ZFHX3: variants seen among roughly 807,000 people sequenced by gnomAD.
ZFHX3 encodes zinc finger homeobox protein 3.
In ZFHX3, 42 loss-of-function variants were observed where a neutral mutation model predicts 279.1. The ratio of observed to expected loss-of-function variants is 0.15; its 90% CI spans 0.12 to 0.19. The LOEUF is 0.19. ZFHX3 is among the 10% of genes least tolerant of loss of function. The pLI is 1.00. For synonymous variants in ZFHX3, 2,293 were observed against 1,957.8 expected, an observed-to-expected ratio of 1.17 and a Z score of -4.52; for missense variants, 4,981 against 4,754.0, an observed-to-expected ratio of 1.05 and a Z score of -1.40.
intron 3 of ZFHX3, among the ~76,000 whole-genome samples, chr16:72,914,442 C>T (rs1014337198): frequency 1.3e-5 from 2 of 152,142 alleles, no homozygotes; most frequent in African/African-American, 2.4e-5. Flanking sequence ...TCTCCAAAAA[C>T]ATTTAGAGTT....
intron 3 of ZFHX3, among the ~76,000 whole-genome samples, chr16:72,937,281 G>C (rs944731246): frequency 6.6e-4 from 101 of 152,270 alleles, no homozygotes; most frequent in Non-Finnish European, 1.6e-4. Flanking sequence ...GAGAGTTACA[G>C]ACAGAAAAAA....
chr16:73,846,574 T>A (rs1961453716), intron 1 of ZFHX3, among the ~76,000 whole-genome samples: 1 of 152,168 alleles, frequency 6.6e-6, no homozygotes, highest in African/African-American at 2.4e-5. Flanking sequence ...AATGAATGAA[T>A]GGACAACTAA....
At position 73,449,152 on chromosome 16, in the gene ZFHX3, T is replaced by C. The variant is rs528901280; in HGVS notation, c.-1291+6851A>G. 4.1e-4 allele frequency among the ~76,000 whole-genome samples: 63 copies of C among 152,328 alleles called. No individual in the cohort carries two copies. The South Asian group carries it at 0.012, about 29-fold the overall frequency. Reference sequence around the variant, plus strand: ...GACAGTATCCAGTACTGTGAGACAATGGACAAAGGTCTAACACATTTTGAG... The same window carrying C: ...GACAGTATCCAGTACTGTGAGACAACGGACAAAGGTCTAACACATTTTGAG... On this transcript the variant is annotated intron_variant, in intron 3 of 17. Transcript: ENST00000641206.
intron 1 of ZFHX3, among the ~76,000 whole-genome samples, chr16:73,705,979 C>T (rs11645352): frequency 2.6e-5 from 4 of 151,908 alleles, no homozygotes; most frequent in African/African-American, 9.7e-5. Context: ...CACAGCTTCT[C>T]GTGTCCTCTG....
At chr16:73,628,001 A>C (rs1597035458) in intron 2 of ZFHX3, among the ~76,000 whole-genome samples, 2 of 152,326 alleles carry the variant, frequency 1.3e-5, no homozygotes, top group Admixed American at 1.3e-4. Context: ...AGTGGGGTAG[A>C]GTGCAAAGTA....
intron 1 of ZFHX3, among the ~76,000 whole-genome samples, chr16:73,012,520 G>A (rs1597089997): frequency 6.6e-6 from 1 of 151,986 alleles, no homozygotes; most frequent in Non-Finnish European, 1.5e-5. Flanking sequence ...GTAGGGAGGG[G>A]CCCAAGCCCA....
At chr16:73,260,222 A>G (rs778902200) in intron 4 of ZFHX3, among the ~76,000 whole-genome samples, 3 of 152,152 alleles carry the variant, frequency 2.0e-5, no homozygotes, top group Non-Finnish European at 4.4e-5. Flanking sequence ...ATAACATGGA[A>G]TTGACGTTAT....
At chr16:73,785,247 G>T (rs1033212293) in intron 1 of ZFHX3, among the ~76,000 whole-genome samples, 18 of 151,952 alleles carry the variant, frequency 1.2e-4, no homozygotes, top group African/African-American at 4.1e-4. Context: ...CAGTTCTTTT[G>T]TACCAACTTT....
Position 73,667,189 on chromosome 16 carries a change from G to A in ZFHX3, c.-1547+12991C>T, listed in dbSNP as rs905153056. Among the ~76,000 whole-genome samples, 8 of 151,830 alleles carry A rather than the reference G, an allele frequency of 5.3e-5. No individual in the cohort carries two copies. The East Asian group carries it at 1.6e-3, about 30-fold the overall frequency. On this transcript the variant is annotated intron_variant, in intron 2 of 17. Coordinates refer to the ZFHX3 transcript ENST00000641206. Reference sequence around the variant, plus strand: ...GTATTTTTAGTAGAGATGGGATTTTGCCATGTTGCCCAGACTGGTCTCGAA... The same window carrying A: ...GTATTTTTAGTAGAGATGGGATTTTACCATGTTGCCCAGACTGGTCTCGAA...
At chr16:72,880,653 TG>T (rs1218987599) in intron 4 of ZFHX3, among the ~76,000 whole-genome samples, 1 of 152,228 alleles carries the variant, frequency 6.6e-6, no homozygotes, top group Admixed American at 6.5e-5. Context: ...GATAAAATTT[TG>T]GGTTGAAACA....
At chr16:73,315,371 A>G (rs1708935212) in intron 4 of ZFHX3, among the ~76,000 whole-genome samples, 1 of 152,152 alleles carries the variant, frequency 6.6e-6, no homozygotes, top group Non-Finnish European at 1.5e-5. Context: ...GATATCAGCA[A>G]TTTCTATAGT....
chr16:73,597,326 C>CTCA (rs2052061407), intron 2 of ZFHX3, among the ~76,000 whole-genome samples: 1 of 152,172 alleles, frequency 6.6e-6, no homozygotes, highest in Admixed American at 6.5e-5. Flanking sequence ...GGCCTCATCA[C>CTCA]TCTGTAGACT....
intron 1 of ZFHX3, among the ~76,000 whole-genome samples, chr16:73,039,895 T>C (rs1965048244): frequency 6.6e-6 from 1 of 151,714 alleles, no homozygotes; most frequent in African/African-American, 2.4e-5. Context: ...CAAAATGGCT[T>C]CTCTCCAGAG....
chr16:73,164,351 T>C (rs1454487409), intron 5 of ZFHX3, among the ~76,000 whole-genome samples: 1 of 152,090 alleles, frequency 6.6e-6, no homozygotes, highest in Non-Finnish European at 1.5e-5. Context: ...AGCCTGAGCA[T>C]CTCAGATCTT....
chr16:73,847,551 C>G (rs2142376017), intron 1 of ZFHX3, among the ~76,000 whole-genome samples: 1 of 152,224 alleles, frequency 6.6e-6, no homozygotes, highest in African/African-American at 2.4e-5. Context: ...AGAGTGACAT[C>G]CCACATCCAT....
intron 5 of ZFHX3, among the ~76,000 whole-genome samples, chr16:73,181,012 T>C (rs909304777): frequency 6.6e-6 from 1 of 152,144 alleles, no homozygotes; most frequent in African/African-American, 2.4e-5. Context: ...AAATACCTTT[T>C]GGGAATGTCT....
At chr16:73,094,626 G>T (rs1433320049) in intron 7 of ZFHX3, 10 of 151,672 alleles carry the variant, frequency 6.6e-5, no homozygotes, top group Admixed American at 5.9e-4. Context: ...GATCACGGTG[G>T]GTCCACACCA....
At chr16:73,761,157 T>A (rs1232962771) in intron 1 of ZFHX3, among the ~76,000 whole-genome samples, 1 of 151,990 alleles carries the variant, frequency 6.6e-6, no homozygotes, top group Non-Finnish European at 1.5e-5. Context: ...AAAATCAATG[T>A]GCAAAAATCA....
intron 4 of ZFHX3, among the ~76,000 whole-genome samples, chr16:72,856,518 GGGA>G (rs1425743103): frequency 6.6e-6 from 1 of 152,118 alleles, no homozygotes; most frequent in Non-Finnish European, 1.5e-5. Context: ...AACCACCTCT[GGGA>G]GGAGAAGAAA....
Sources: allele counts gnomAD v4.1 joint callset (sites outside exome capture counted in the v4.1 genomes callset), GRCh38; gene constraint gnomAD v4.1.1; transcripts MANE v1.5; gene names NCBI Gene and HGNC (gene_info 2026-07-23, HGNC 2026-07-21).